Variants in ZNF804B observed in about 807,000 individuals in gnomAD.
ZNF804B encodes zinc finger 804B.
In ZNF804B, 80 loss-of-function variants were observed where a neutral mutation model predicts 101.4. The observed-to-expected ratio is 0.79, with a 90% CI of 0.66 to 0.95. ZNF804B has a LOEUF of 0.95. Ranked by LOEUF, ZNF804B falls within the 40% of genes least tolerant of loss-of-function variation. ZNF804B has a pLI of 0.00. For synonymous variants in ZNF804B, 622 were observed against 558.8 expected, an observed-to-expected ratio of 1.11 and a Z score of -1.59; for missense variants, 1,673 against 1,561.9, an observed-to-expected ratio of 1.07 and a Z score of -1.20.
intron 1 of ZNF804B, among the ~76,000 whole-genome samples, chr7:88,945,349 C>T (rs1793112398): frequency 6.6e-6 from 1 of 152,014 alleles, no homozygotes; most frequent in African/African-American, 2.4e-5. Context: ...ATAAGGGATC[C>T]TTTCCCTATT....
At chr7:88,917,614 A>C (rs1792655759) in intron 1 of ZNF804B, among the ~76,000 whole-genome samples, 1 of 152,164 alleles carries the variant, frequency 6.6e-6, no homozygotes, top group Non-Finnish European at 1.5e-5. Context: ...CCCTCATAGC[A>C]GTCAACTATT....
intron 1 of ZNF804B, among the ~76,000 whole-genome samples, chr7:88,920,539 C>G (rs1276169207): frequency 6.6e-6 from 1 of 152,010 alleles, no homozygotes; most frequent in Non-Finnish European, 1.5e-5. Flanking sequence ...TTTATCATCA[C>G]CATATCCTGG....
At chr7:88,851,859 G>A (rs183910831) in intron 1 of ZNF804B, among the ~76,000 whole-genome samples, 1 of 152,196 alleles carries the variant, frequency 6.6e-6, no homozygotes, top group Non-Finnish European at 1.5e-5. Context: ...ATTTGGTAAG[G>A]GAGAAATGGA....
intron 1 of ZNF804B, among the ~76,000 whole-genome samples, chr7:89,103,962 C>T (rs1346477816): frequency 6.6e-6 from 1 of 151,760 alleles, no homozygotes; most frequent in African/African-American, 2.4e-5. Flanking sequence ...TTATTAAATG[C>T]TTTTTCTGCA....
chr7:89,198,394 A>G (rs1788585613), intron 1 of ZNF804B, among the ~76,000 whole-genome samples: 2 of 151,942 alleles, frequency 1.3e-5, no homozygotes, highest in East Asian at 1.9e-4. Context: ...CATGCTCACT[A>G]TTTATGTTTA....
At chr7:89,062,571 A>G (rs1250127679) in intron 1 of ZNF804B, among the ~76,000 whole-genome samples, 1 of 152,048 alleles carries the variant, frequency 6.6e-6, no homozygotes. Flanking sequence ...ATACCGTATT[A>G]TTTTTGTTTC....
chr7:88,978,174 C>A (rs1003468418), intron 1 of ZNF804B, among the ~76,000 whole-genome samples: 3 of 151,468 alleles, frequency 2.0e-5, no homozygotes, highest in African/African-American at 7.3e-5. Context: ...GAGAATGATT[C>A]TTGTGCTGAA....
intron 1 of ZNF804B, among the ~76,000 whole-genome samples, chr7:89,003,403 G>A (rs190403322): frequency 6.6e-6 from 1 of 151,918 alleles, no homozygotes; most frequent in Non-Finnish European, 1.5e-5. Flanking sequence ...AGTTCAGAAT[G>A]CACAGTGGGA....
intron 1 of ZNF804B, among the ~76,000 whole-genome samples, chr7:89,059,289 T>C (rs1789339970): frequency 6.6e-6 from 1 of 152,128 alleles, no homozygotes; most frequent in Non-Finnish European, 1.5e-5. Context: ...CTGGGTAATA[T>C]ATAAAGAAAA....
At chr7:88,913,094 A>G (rs1792574046) in intron 1 of ZNF804B, among the ~76,000 whole-genome samples, 1 of 152,184 alleles carries the variant, frequency 6.6e-6, no homozygotes, top group Admixed American at 6.6e-5. Flanking sequence ...TACACAAAAG[A>G]AGTGGGTTCA....
chr7:89,102,274 T>A (rs1790067284), intron 1 of ZNF804B, among the ~76,000 whole-genome samples: 1 of 152,002 alleles, frequency 6.6e-6, no homozygotes, highest in Admixed American at 6.6e-5. Context: ...AGAGGTTGAA[T>A]TAATTTGCAT....
At chr7:89,110,989 G>A (rs1790207313) in intron 1 of ZNF804B, among the ~76,000 whole-genome samples, 1 of 152,012 alleles carries the variant, frequency 6.6e-6, no homozygotes, top group Non-Finnish European at 1.5e-5. Flanking sequence ...ATAATATACA[G>A]CTTTTACAGA....
At chr7:88,939,290 T>C (rs966081000) in intron 1 of ZNF804B, among the ~76,000 whole-genome samples, 4 of 151,968 alleles carry the variant, frequency 2.6e-5, no homozygotes, top group Non-Finnish European at 4.4e-5. Context: ...CCCAATCAAA[T>C]ATAAATATTA....
At chr7:89,225,820 C>G (rs1789080433) in intron 2 of ZNF804B, among the ~76,000 whole-genome samples, 1 of 151,962 alleles carries the variant, frequency 6.6e-6, no homozygotes, top group Admixed American at 6.6e-5. Context: ...TGCTAATCTT[C>G]AAGGACTTTT....
intron 1 of ZNF804B, among the ~76,000 whole-genome samples, chr7:88,897,591 A>G (rs1472135828): frequency 6.6e-6 from 1 of 152,216 alleles, no homozygotes; most frequent in African/African-American, 2.4e-5. Flanking sequence ...AAACCTCACC[A>G]GAACTCTATA....
At chr7:88,804,575 TGAG>T (rs2115719538) in intron 1 of ZNF804B, among the ~76,000 whole-genome samples, 1 of 152,038 alleles carries the variant, frequency 6.6e-6, no homozygotes, top group Admixed American at 6.6e-5. Flanking sequence ...CACATTATGA[TGAG>T]GTGACATAAA....
chr7:88,980,233 T>C (rs1793677334), intron 1 of ZNF804B, among the ~76,000 whole-genome samples: 1 of 152,074 alleles, frequency 6.6e-6, no homozygotes, highest in South Asian at 2.1e-4. Flanking sequence ...TTTGTTGAGC[T>C]TCTTCAGAAA....
chr7:89,319,826 G>A (rs1262005936), intron 2 of ZNF804B, among the ~76,000 whole-genome samples: 1 of 152,138 alleles, frequency 6.6e-6, no homozygotes, highest in Non-Finnish European at 1.5e-5. Context: ...AAGACCAAAT[G>A]CAGCTCAACT....
rs1004616623 is a variant in ZNF804B at position 88,928,212 on chromosome 7, C to G, written c.108+168128C>G. On this transcript the variant is annotated intron_variant, in intron 1 of 3. Coordinates refer to ENST00000333190, the MANE Select transcript of ZNF804B (RefSeq NM_181646.5). ...AAATAATCTACTCCTGACTTTATTTCTCTTTAGAGCAGGACCTCTTATCCT... is the reference window on the plus strand; with the variant it reads ...AAATAATCTACTCCTGACTTTATTTGTCTTTAGAGCAGGACCTCTTATCCT... Among the ~76,000 whole-genome samples, 3 of 152,066 alleles carry G rather than the reference C, an allele frequency of 2.0e-5. No homozygotes were observed. The South Asian group carries it at 6.2e-4, about 31-fold the overall frequency.
Sources: gnomAD v4.1 joint callset for allele counts (sites outside exome capture counted in the v4.1 genomes callset) on GRCh38, gnomAD v4.1.1 for gene constraint, MANE v1.5 for transcripts, NCBI Gene and HGNC (gene_info 2026-07-23, HGNC 2026-07-21) for gene names.